The following PRSS36 variants were observed in gnomAD, a reference collection of about 807,000 sequenced individuals.
PRSS36 encodes the protein polyserase-2.
PRSS36 carries 90 observed loss-of-function variants against 94.3 expected under a neutral mutation model. The observed-to-expected ratio is 0.95, with a 90% CI of 0.80 to 1.14. The LOEUF is 1.14. PRSS36 is among the 50% of genes most tolerant of loss of function. The pLI is 0.00. For synonymous variants in PRSS36, 500 were observed against 489.6 expected (o/e 1.02, Z -0.28); for missense variants, 1,158 against 1,135.0 (o/e 1.02, Z -0.29).
intron 6 of PRSS36, 42 bp from the exon 7 acceptor site, chr16:31,143,879 C>T (rs779083237): frequency 1.2e-6 from 2 of 1,608,430 alleles, no homozygotes; most frequent in Admixed American, 1.7e-5. Flanking sequence ...AGCCCAGGGA[C>T]CTACTCGAAA....
Position 31,143,577 on chromosome 16 carries a change from C to T in PRSS36, c.970+11G>A, listed in dbSNP as rs72785562. The T allele has an allele frequency of 2.5e-3, 4,059 of 1,613,880 alleles. 13 individuals carry two copies. The highest frequency in any genetic ancestry group is 2.3e-3 in the Non-Finnish European group (2,705 of 1,179,806). On this transcript the variant is annotated intron_variant, in intron 7 of 14. Transcript: ENST00000268281. Reference sequence around the variant, plus strand: ...ATGTCCCGCTTACATCCAGGGGTGCCGCCCACTCACCAGGCAGGGCAATGG... The same window carrying T: ...ATGTCCCGCTTACATCCAGGGGTGCTGCCCACTCACCAGGCAGGGCAATGG...
Position 31,138,937 on chromosome 16 carries a change from C to G in PRSS36, c.*201G>C. The G allele has an allele frequency of 1.8e-6, 1 of 569,136 alleles. No individual in the cohort carries two copies. Among genetic ancestry groups the G allele is most frequent in the Non-Finnish European group, 3.0e-6 (1 of 331,904 alleles). The allele number at this position is 569,136 out of a possible 1,614,324, so 35.3% of individuals were successfully genotyped here. ...GGCCACACAGGTACCTGTGTTTACA[C>G]CTTTATTGTCCGCTCCTCCCACCAC... On this transcript the variant is annotated 3_prime_UTR_variant, in exon 15 of 15. Transcript: ENST00000268281.
intron 5 of PRSS36, among the ~76,000 whole-genome samples, chr16:31,147,729 A>G (rs1457636589): frequency 6.6e-6 from 1 of 152,186 alleles, no homozygotes; most frequent in African/African-American, 2.4e-5. Context: ...AAGGTGCTCA[A>G]GAAATATCTT....
intron 5 of PRSS36, among the ~76,000 whole-genome samples, chr16:31,146,852 GT>G (rs1283810026): frequency 6.6e-6 from 1 of 152,138 alleles, no homozygotes; most frequent in Admixed American, 6.6e-5. Flanking sequence ...GTGGTGGTGG[GT>G]GCCTATAATC....
chr16:31,149,292 C>G, intron 3 of PRSS36, 57 bp from the exon 4 acceptor site: 1 of 1,517,324 alleles, frequency 6.6e-7, no homozygotes, highest in East Asian at 2.4e-5. Context: ...CTCCAGAAGC[C>G]CAGGTAACTC....
intron 10 of PRSS36, 32 bp from the exon 11 acceptor site, chr16:31,141,992 T>A: frequency 1.9e-6 from 3 of 1,590,340 alleles, no homozygotes; most frequent in Non-Finnish European, 2.6e-6. Context: ...GTTACTTGCC[T>A]CTGCGTGTGT....
Position 31,139,246 on chromosome 16 carries a change from G to A in PRSS36, c.2460C>T (p.His820=), listed in dbSNP as rs1216037947. The change falls in exon 15 of 15, where the codon CAC becomes CAT. Residue 820 remains histidine, a synonymous_variant. Transcript: ENST00000268281. ...AGAGATTGCTGCCTCCAGTGGGCCA[G>A]TGTGGGGAGCCACTGGGGGGCAGGA... The part of the protein sequence containing the change: ...ANFLPPSGSP[H]WPTGGSNLCP... 2 of 1,614,156 alleles carry A rather than the reference G, an allele frequency of 1.2e-6. No individual in the cohort carries two copies. Among genetic ancestry groups the A allele is most frequent in the Non-Finnish European group, 1.7e-6 (2 of 1,179,982 alleles).
intron 5 of PRSS36, among the ~76,000 whole-genome samples, chr16:31,146,642 G>A (rs930935025): frequency 6.6e-6 from 1 of 152,134 alleles, no homozygotes; most frequent in East Asian, 1.9e-4. Context: ...GAAAGGAGTA[G>A]GGGGTGGGGG....
At chr16:31,148,955 G>A (rs1276342311) in intron 4 of PRSS36, 118 bp downstream of exon 4, 2 of 1,224,556 alleles carry the variant, frequency 1.6e-6, no homozygotes, top group African/African-American at 3.0e-5. Flanking sequence ...CTCGCTTTGG[G>A]GACAGCTTGG....
intron 6 of PRSS36, 71 bp downstream of exon 6, chr16:31,145,718 G>T: frequency 6.9e-7 from 1 of 1,447,546 alleles, no homozygotes. Flanking sequence ...GGCTTGGAGA[G>T]ATGTCCTTTA....
chr16:31,148,671 C>T lies in PRSS36; in HGVS notation c.277G>A (p.Gly93Arg), dbSNP rs1175415624. The T allele has an allele frequency of 1.2e-6, 2 of 1,612,316 alleles. No individual in the cohort carries two copies. Among genetic ancestry groups the T allele is most frequent in the South Asian group, 1.1e-5 (1 of 91,034 alleles). The stretch of plus-strand genomic sequence containing the variant: ...CACTCGGCCGCGGGCTCCAGCGTCC[C>T]ATTCCTGCGCTCGACCGGGGCAGTA... ...LSAAHCFMTNGTLEPAAEWSV... is the reference protein window; with the variant it reads ...LSAAHCFMTNRTLEPAAEWSV... The change falls in exon 5 of 15, where the codon GGG becomes AGG. Residue 93 changes from glycine (G) to arginine (R), a missense_variant. Coordinates refer to ENST00000268281, the MANE Select transcript of PRSS36 (RefSeq NM_173502.5).
chr16:31,149,564 C>T, intron 2 of PRSS36, 66 bp from the exon 3 acceptor site: 1 of 1,609,498 alleles, frequency 6.2e-7, no homozygotes, highest in Non-Finnish European at 8.5e-7. Context: ...CCCAGCCCCA[C>T]TTCCTGCTCT....
Position 31,148,663 on chromosome 16 carries a change from C to T in PRSS36, c.285G>A (p.Leu95=). ...GTACCGACCACTCGGCCGCGGGCTC[C>T]AGCGTCCCATTCCTGCGCTCGACCG... ...AAHCFMTNGT[L]EPAAEWSVLL... The change falls in exon 5 of 15, where the codon CTG becomes CTA. Residue 95 remains leucine (L), a synonymous_variant. Coordinates refer to ENST00000268281, the MANE Select transcript of PRSS36 (RefSeq NM_173502.5). 6.2e-7 allele frequency: 1 copy of T among 1,612,538 alleles called. No homozygotes were observed. Among genetic ancestry groups the T allele is most frequent in the African/African-American group, 1.3e-5 (1 of 75,040 alleles).
intron 6 of PRSS36, 36 bp from the exon 7 acceptor site, chr16:31,143,873 C>T: frequency 6.2e-7 from 1 of 1,609,964 alleles, no homozygotes; most frequent in Non-Finnish European, 8.5e-7. Context: ...GGGGTCAGCC[C>T]AGGGACCTAC....
In PRSS36 at chr16:31,149,994, G is replaced by A. The variant is rs775899237; in HGVS notation, c.37+5C>T. 1.4e-5 allele frequency: 23 copies of A among 1,613,992 alleles called. No individual in the cohort carries two copies. The highest frequency in any genetic ancestry group is 2.5e-6 in the Non-Finnish European group (3 of 1,179,950). ...TTTGCAGCCACTCTTGTCCCCTGAG[G>A]TTACCAAGCATCACAAGGGGGAGGA... On this transcript the variant is annotated splice_donor_5th_base_variant and intron_variant, in intron 1 of 14. Transcript: ENST00000268281.
chr16:31,148,847 C>G (rs1191445004), intron 4 of PRSS36, 172 bp from the exon 5 acceptor site: 5 of 996,658 alleles, frequency 5.0e-6, no homozygotes, highest in Middle Eastern at 2.9e-4. Flanking sequence ...GTGGGGGGGT[C>G]ATTGGAAAGA....
At chr16:31,149,799 C>T in intron 1 of PRSS36, 68 bp from the exon 2 acceptor site, 1 of 1,605,898 alleles carries the variant, frequency 6.2e-7, no homozygotes, top group Non-Finnish European at 8.5e-7. Flanking sequence ...CCCTGACTCC[C>T]TCCCCCAGCC....
chr16:31,148,288 CG>C (rs148753232), intron 5 of PRSS36, 106 bp downstream of exon 5: 44 of 1,263,408 alleles, frequency 3.5e-5, no homozygotes, highest in Non-Finnish European at 4.3e-5. Context: ...CAACGCTCCC[CG>C]CAGGCTCCGC....
In PRSS36 at chr16:31,140,762, T is replaced by C. The variant is rs747663289; in HGVS notation, c.1902-5A>G. On this transcript the variant is annotated splice_polypyrimidine_tract_variant and splice_region_variant and intron_variant, in intron 12 of 14. Coordinates refer to ENST00000268281, the MANE Select transcript of PRSS36 (RefSeq NM_173502.5). ...GGCACTGTTGTAGAGCCTGGCCTGT[T>C]GGAACAAGGTCCAATGTCACCTTCT... 1.2e-6 allele frequency: 2 copies of C among 1,613,522 alleles called. No homozygotes were observed. Among genetic ancestry groups the C allele is most frequent in the Non-Finnish European group, 1.7e-6 (2 of 1,179,732 alleles).
Sources: gnomAD v4.1 joint callset for allele counts (sites outside exome capture counted in the v4.1 genomes callset) on GRCh38, gnomAD v4.1.1 for gene constraint, MANE v1.5 for transcripts, NCBI Gene and HGNC (gene_info 2026-07-23, HGNC 2026-07-21) for gene names.